Variants in PRTN3 observed in about 807,000 individuals in gnomAD.
PRTN3 encodes proteinase 3.
A neutral mutation model predicts 20.7 loss-of-function variants in PRTN3; 22 were observed. The ratio of observed to expected loss-of-function variants is 1.06; its 90% CI spans 0.76 to 1.52. The LOEUF (loss-of-function observed/expected upper bound fraction) is 1.52, where lower values mean the gene tolerates loss of function less well. Among genes scored for constraint, PRTN3 ranks in the 40% most tolerant of loss-of-function variants. The pLI is 0.00. For synonymous variants in PRTN3, 173 were observed against 152.9 expected (o/e 1.13, Z -0.97); for missense variants, 378 against 359.6 (o/e 1.05, Z -0.41).
At chr19:846,533 T>C (rs77376207) in intron 4 of PRTN3, among the ~76,000 whole-genome samples, 156 bp downstream of exon 4, 8,926 of 151,764 alleles carry the variant, frequency 0.059, 845 homozygotes, top group African/African-American at 0.2. Flanking sequence ...ACGGGCAGGC[T>C]CAGCGGGGTG....
At position 843,632 on chromosome 19, in the gene PRTN3, C is replaced by G; in HGVS notation, c.227+6C>G. ...GCGCACTGCCTGCGGGACATGTGAG[C>G]GGCCGCCTCCACACCCCTGTCCGCC... is the stretch of plus-strand genomic sequence containing the variant. On this transcript the variant is annotated splice_donor_region_variant and intron_variant, in intron 2 of 4. Coordinates refer to ENST00000234347, the MANE Select transcript of PRTN3 (RefSeq NM_002777.4). 6.5e-7 allele frequency: 1 copy of G among 1,541,912 alleles called. No individual in the cohort carries two copies. Among genetic ancestry groups the G allele is most frequent in the South Asian group, 1.2e-5 (1 of 80,756 alleles).
Position 843,600 on chromosome 19 carries a change from G to C in PRTN3, c.201G>C (p.Leu67=), listed in dbSNP as rs2035473801. 1.3e-6 allele frequency: 2 copies of C among 1,597,502 alleles called. No homozygotes were observed. The highest frequency in any genetic ancestry group is 1.7e-6 in the Non-Finnish European group (2 of 1,176,616). ...CCTTGATCCACCCCAGCTTCGTGCT[G>C]ACGGCCGCGCACTGCCTGCGGGACA... ...GGTLIHPSFV[L]TAAHCLRDIP... The change falls in exon 2 of 5, where the codon CTG becomes CTC. Residue 67 remains leucine (L), a synonymous_variant. Transcript: ENST00000234347.
In PRTN3 at chr19:846,980, A is replaced by G. The variant is rs911270347; in HGVS notation, c.600+603A>G. On this transcript the variant is annotated intron_variant, in intron 4 of 4. Transcript: ENST00000234347. Reference sequence around the variant, plus strand: ...AGGCTGGTCTTGAACTCCTGGCATCAAGTGATGCCTGGCTGGTGCTCACAC... The same window carrying G: ...AGGCTGGTCTTGAACTCCTGGCATCGAGTGATGCCTGGCTGGTGCTCACAC... Among the ~76,000 whole-genome samples the G allele has an allele frequency of 3.3e-5, 5 of 152,180 alleles. 1 individual carries two copies. The South Asian group carries it at 1.0e-3, about 32-fold the overall frequency.
In PRTN3 at chr19:847,549, A is replaced by AAAAG. The variant is rs1555707984; in HGVS notation, c.601-244_601-241dup. Among the ~76,000 whole-genome samples, 1,145 of 127,746 alleles carry AAAAG rather than the reference A, an allele frequency of 9.0e-3. 17 individuals are homozygous for AAAAG. Among genetic ancestry groups the AAAAG allele is most frequent in the African/African-American group, 0.034 (1,050 of 30,510 alleles). The allele number at this position is 127,746 out of a possible 152,430, so 83.8% of individuals were successfully genotyped here. On this transcript the variant is annotated intron_variant, in intron 4 of 4. Coordinates refer to ENST00000234347, the MANE Select transcript of PRTN3 (RefSeq NM_002777.4). ...AGAGAAAGAAAGAAAGAAAGAAAGA[A>AAAAG]AAAGAAAGAGAGAGAGAGAGAGAGA...
At position 841,211 on chromosome 19, in the gene PRTN3, C is replaced by T. The variant is rs117526542; in HGVS notation, c.61+142C>T. The T allele has an allele frequency of 8.9e-3, 10,090 of 1,128,638 alleles. 39 individuals are homozygous for T. The highest frequency in any genetic ancestry group is 0.01 in the Non-Finnish European group (8,316 of 797,282). The allele number at this position is 1,128,638 out of a possible 1,614,324, so 69.9% of individuals were successfully genotyped here. On this transcript the variant is annotated intron_variant, in intron 1 of 4. Coordinates refer to ENST00000234347, the MANE Select transcript of PRTN3 (RefSeq NM_002777.4). ...GTCAGGGGAGACTCCACTCACTGCTCGGGACCAACGCTTGCAGGGGTGGGG... is the reference window on the plus strand; with the variant it reads ...GTCAGGGGAGACTCCACTCACTGCTTGGGACCAACGCTTGCAGGGGTGGGG...
Position 843,089 on chromosome 19 carries a change from A to T in PRTN3, c.62-372A>T, listed in dbSNP as rs539499987. Among the ~76,000 whole-genome samples, 393 of 151,436 alleles carry T rather than the reference A, an allele frequency of 2.6e-3. 2 individuals are homozygous for T. The highest frequency in any genetic ancestry group is 6.0e-3 in the Admixed American group (91 of 15,164). ...ACCACCATGCCTGGCTAATTTTAAA[A>T]TTTTTTGTAGAGATGGGGTCCTCAC... is the stretch of plus-strand genomic sequence containing the variant. On this transcript the variant is annotated intron_variant, in intron 1 of 4. Coordinates refer to ENST00000234347, the MANE Select transcript of PRTN3 (RefSeq NM_002777.4).
At chr19:847,306 C>G (rs950025488) in intron 4 of PRTN3, among the ~76,000 whole-genome samples, 4 of 151,660 alleles carry the variant, frequency 2.6e-5, no homozygotes, top group Admixed American at 6.6e-5. Context: ...GACCCTGTCT[C>G]GAGAGAAAGA....
In PRTN3 at chr19:843,646, C is replaced by A. The variant is rs1388782906; in HGVS notation, c.227+20C>A. 1 of 1,526,112 alleles carries A rather than the reference C, an allele frequency of 6.6e-7. No individual in the cohort carries two copies. The highest frequency in any genetic ancestry group is 2.0e-5 in the Admixed American group (1 of 50,646). The allele number at this position is 1,526,112 out of a possible 1,614,324, so 94.5% of individuals were successfully genotyped here. On this transcript the variant is annotated intron_variant, in intron 2 of 4. Coordinates refer to ENST00000234347, the MANE Select transcript of PRTN3 (RefSeq NM_002777.4). The stretch of plus-strand genomic sequence containing the variant: ...GGACATGTGAGCGGCCGCCTCCACA[C>A]CCCTGTCCGCCCGCCCCGCCCTCTT...
chr19:841,988 A>G lies in PRTN3; in HGVS notation c.61+919A>G, dbSNP rs560235902. Among the ~76,000 whole-genome samples the G allele has an allele frequency of 2.0e-5, 3 of 150,402 alleles. No homozygotes were observed. The South Asian group carries it at 6.3e-4, about 32-fold the overall frequency. ...GTGATCCGCCTGCCTCAGCCTCCCA[A>G]AGTGCTGGGATTACAGGCGTGAGCC... is the stretch of plus-strand genomic sequence containing the variant. On this transcript the variant is annotated intron_variant, in intron 1 of 4. Coordinates refer to ENST00000234347, the MANE Select transcript of PRTN3 (RefSeq NM_002777.4).
At chr19:847,559 G>A (rs12976041) in intron 4 of PRTN3, among the ~76,000 whole-genome samples, 55,785 of 113,932 alleles carry the variant, frequency 0.49, 10,571 homozygotes, top group South Asian at 0.58. Flanking sequence ...AAAAGAAAGA[G>A]AGAGAGAGAG....
rs114127442 is a variant in PRTN3, at chr19:846,766, G to A, written c.600+389G>A. On this transcript the variant is annotated intron_variant, in intron 4 of 4. Transcript: ENST00000234347. ...CACACTTTTTGTTTGTTTTTGAGAC[G>A]GAGTGTCGCTCTGTTGTCCAGGCTG... Among the ~76,000 whole-genome samples, 1,358 of 149,044 alleles carry A rather than the reference G, an allele frequency of 9.1e-3. 26 individuals are homozygous for A. The highest frequency in any genetic ancestry group is 0.031 in the African/African-American group (1,241 of 40,066).
At chr19:844,108 C>A in intron 3 of PRTN3, 74 bp downstream of exon 3, 10 of 1,504,144 alleles carry the variant, frequency 6.6e-6, no homozygotes, top group Non-Finnish European at 8.9e-6. Flanking sequence ...CTGCAGCCAG[C>A]ATTCATTGAG....
At position 847,782 on chromosome 19, in the gene PRTN3, C is replaced by T. The variant is rs2035538724; in HGVS notation, c.601-17C>T. 1.3e-6 allele frequency: 2 copies of T among 1,599,258 alleles called. No individual in the cohort carries two copies. Among genetic ancestry groups the T allele is most frequent in the South Asian group, 2.3e-5 (2 of 88,856 alleles). ...CAGGTGGCCCCTGATGGGTGACTGG[C>T]CGTCCCTGTCCTCCAGGGAGACTCA... On this transcript the variant is annotated splice_polypyrimidine_tract_variant and intron_variant, in intron 4 of 4. Coordinates refer to ENST00000234347, the MANE Select transcript of PRTN3 (RefSeq NM_002777.4).
intron 1 of PRTN3, among the ~76,000 whole-genome samples, chr19:841,608 G>C (rs1186430924): frequency 3.4e-5 from 2 of 58,006 alleles, no homozygotes; most frequent in African/African-American, 1.3e-4. Flanking sequence ...GAATGAATGA[G>C]TGAATGAATG....
Position 846,347 on chromosome 19 carries a change from C to A in PRTN3, c.570C>A (p.Phe190Leu), listed in dbSNP as rs143024178. Residue 190 changes from phenylalanine to leucine, a missense_variant, in exon 4 of 5, where the codon TTC becomes TTA. Coordinates refer to ENST00000234347, the MANE Select transcript of PRTN3 (RefSeq NM_002777.4). ...FFCRPHNICTFVPRRKAGICF... is the reference protein window; with the variant it reads ...FFCRPHNICTLVPRRKAGICF... ...GCCGGCCACATAACATTTGCACTTT[C>A]GTCCCTCGCCGCAAGGCCGGCATCT... is the stretch of plus-strand genomic sequence containing the variant. The A allele has an allele frequency of 2.6e-6, 4 of 1,568,428 alleles. No homozygotes were observed. The highest frequency in any genetic ancestry group is 3.5e-6 in the Non-Finnish European group (4 of 1,157,868).
intron 3 of PRTN3, 99 bp from the exon 4 acceptor site, chr19:846,048 T>A: frequency 1.2e-6 from 1 of 839,474 alleles, no homozygotes; most frequent in South Asian, 2.2e-5. Context: ...ATCCGCGGCG[T>A]TTTGAGGTGG....
At position 843,874 on chromosome 19, in the gene PRTN3, G is replaced by T; in HGVS notation, c.228-19G>T. On this transcript the variant is annotated intron_variant, in intron 2 of 4. Transcript: ENST00000234347. Reference sequence around the variant, plus strand: ...GCGAGTGTCCAGGGCGCCGAGGAGTGACCACCCCACCCCCGCAGACCCCAG... The same window carrying T: ...GCGAGTGTCCAGGGCGCCGAGGAGTTACCACCCCACCCCCGCAGACCCCAG... 6.4e-7 allele frequency: 1 copy of T among 1,573,828 alleles called. No individual in the cohort carries two copies.
chr19:843,911 C>T lies in PRTN3; in HGVS notation c.246C>T (p.Asn82=), dbSNP rs774817153. ...CLRDIPQRLV[N]VVLGAHNVRT... Reference sequence around the variant, plus strand: ...CCCGCAGACCCCAGCGCCTGGTGAACGTGGTGCTCGGAGCCCACAACGTGC... The same window carrying T: ...CCCGCAGACCCCAGCGCCTGGTGAATGTGGTGCTCGGAGCCCACAACGTGC... The change falls in exon 3 of 5, where the codon AAC becomes AAT. Residue 82 remains asparagine (N), a synonymous_variant. Transcript: ENST00000234347. The T allele has an allele frequency of 1.3e-6, 2 of 1,595,172 alleles. No homozygotes were observed. The highest frequency in any genetic ancestry group is 1.1e-5 in the South Asian group (1 of 87,622).
intron 1 of PRTN3, 160 bp from the exon 2 acceptor site, chr19:843,301 C>G (rs765829809): frequency 2.2e-5 from 15 of 667,458 alleles, no homozygotes; most frequent in Non-Finnish European, 3.1e-5. Flanking sequence ...GTAATTATAA[C>G]CCCCCCGGCC....
Sources: allele counts gnomAD v4.1 joint callset (sites outside exome capture counted in the v4.1 genomes callset), GRCh38; gene constraint gnomAD v4.1.1; transcripts MANE v1.5; gene names NCBI Gene and HGNC (gene_info 2026-07-23, HGNC 2026-07-21).